Variants in RBMS3 observed in about 807,000 individuals in gnomAD.
The protein encoded by RBMS3 is RNA-binding motif, single-stranded-interacting protein 3.
Under a neutral mutation model 66.8 loss-of-function variants are expected in RBMS3, and 27 were observed. That is an observed-to-expected ratio of 0.40 (90% CI 0.30 to 0.56). The LOEUF (loss-of-function observed/expected upper bound fraction) is 0.56, where lower values mean the gene tolerates loss of function less well. Ranked by LOEUF, RBMS3 falls within the 20% of genes least tolerant of loss-of-function variation. RBMS3 has a pLI of 0.40. For synonymous variants in RBMS3, 188 were observed against 183.0 expected, an observed-to-expected ratio of 1.03 and a Z score of -0.22; for missense variants, 513 against 549.5, an observed-to-expected ratio of 0.93 and a Z score of 0.66.
intron 1 of RBMS3, among the ~76,000 whole-genome samples, chr3:29,362,658 T>G (rs1471483322): frequency 6.6e-6 from 1 of 152,210 alleles, no homozygotes; most frequent in Non-Finnish European, 1.5e-5. Flanking sequence ...TTCTACCATC[T>G]TGGATGGAGT....
At chr3:29,818,277 C>A (rs1371375071) in intron 6 of RBMS3, among the ~76,000 whole-genome samples, 1 of 151,602 alleles carries the variant, frequency 6.6e-6, no homozygotes, top group Non-Finnish European at 1.5e-5. Context: ...ATTGTTTTTT[C>A]TCCTTTCATT....
intron 6 of RBMS3, among the ~76,000 whole-genome samples, chr3:29,784,643 G>A (rs1366147993): frequency 1.3e-5 from 2 of 151,880 alleles, no homozygotes; most frequent in South Asian, 2.1e-4. Flanking sequence ...AAACAATAAC[G>A]ATTCAAACCC....
At chr3:29,774,964 T>A (rs951840573) in intron 6 of RBMS3, among the ~76,000 whole-genome samples, 1 of 151,936 alleles carries the variant, frequency 6.6e-6, no homozygotes, top group Non-Finnish European at 1.5e-5. Flanking sequence ...ATATAACGTG[T>A]CTAAACAAGT....
At chr3:29,488,373 A>C (rs2043400986) in intron 2 of RBMS3, 68 bp from the exon 3 acceptor site, 1 of 1,364,942 alleles carries the variant, frequency 7.3e-7, no homozygotes, top group African/African-American at 1.4e-5. Context: ...CCCGATGTTC[A>C]TTAGAGTGTT....
At chr3:29,829,844 G>A (rs141935183) in intron 6 of RBMS3, among the ~76,000 whole-genome samples, 1,780 of 152,148 alleles carry the variant, frequency 0.012, 28 homozygotes, top group African/African-American at 0.04. Flanking sequence ...CTGCTAAGAG[G>A]AATTATCTAT....
intron 4 of RBMS3, among the ~76,000 whole-genome samples, chr3:29,722,812 G>A (rs35951078): frequency 0.31 from 47,149 of 151,704 alleles, 7,736 homozygotes; most frequent in South Asian, 0.42. Context: ...GTATCATATC[G>A]AGAGGCACAA....
At chr3:29,691,947 C>CTCTCTCTCTTTT (rs1218393454) in intron 4 of RBMS3, among the ~76,000 whole-genome samples, 1 of 53,546 alleles carries the variant, frequency 1.9e-5, no homozygotes, top group Admixed American at 1.9e-4. Context: ...CTCTCTCTCT[C>CTCTCTCTCTTTT]TATTTTTTTT....
intron 1 of RBMS3, among the ~76,000 whole-genome samples, chr3:29,315,031 A>G (rs941126268): frequency 6.6e-6 from 1 of 151,808 alleles, no homozygotes; most frequent in Non-Finnish European, 1.5e-5. Context: ...TTTTATGCCT[A>G]GGAGCATGGC....
chr3:29,613,190 G>A (rs1022118481), intron 4 of RBMS3, among the ~76,000 whole-genome samples: 4 of 151,982 alleles, frequency 2.6e-5, no homozygotes, highest in Admixed American at 2.6e-4. Context: ...CATTTCCTTT[G>A]GATATATACC....
chr3:29,667,886 A>G (rs74890467), intron 4 of RBMS3, among the ~76,000 whole-genome samples: 5,011 of 152,244 alleles, frequency 0.033, 268 homozygotes, highest in African/African-American at 0.11. Context: ...ACACAAAACA[A>G]AATAATTCTT....
At chr3:29,816,914 A>AC (rs1211075361) in intron 6 of RBMS3, among the ~76,000 whole-genome samples, 8 of 151,988 alleles carry the variant, frequency 5.3e-5, no homozygotes, top group African/African-American at 1.9e-4. Flanking sequence ...ACATGGTGAT[A>AC]CCCCGTCTCT....
At chr3:29,509,473 A>G (rs1030390809) in intron 3 of RBMS3, among the ~76,000 whole-genome samples, 7 of 152,260 alleles carry the variant, frequency 4.6e-5, no homozygotes, top group Admixed American at 6.5e-5. Context: ...TGAAAGAGAC[A>G]AGGAACTTGC....
chr3:29,450,435 C>T (rs763726188), intron 2 of RBMS3, among the ~76,000 whole-genome samples: 5 of 152,108 alleles, frequency 3.3e-5, no homozygotes, highest in Non-Finnish European at 7.3e-5. Context: ...TCTTAAGATC[C>T]CTCCTTTATG....
intron 4 of RBMS3, among the ~76,000 whole-genome samples, chr3:29,681,140 A>G (rs1279146019): frequency 2.6e-5 from 4 of 152,332 alleles, no homozygotes; most frequent in South Asian, 2.1e-4. Context: ...TGAAAATTAC[A>G]TTCTGCTCAG....
intron 6 of RBMS3, among the ~76,000 whole-genome samples, chr3:29,820,639 G>T (rs1292732414): frequency 1.3e-5 from 2 of 152,072 alleles, no homozygotes; most frequent in African/African-American, 2.4e-5. Flanking sequence ...ATTAGGTTTT[G>T]CTTTGCAAGA....
chr3:29,297,784 G>T (rs2033383236), intron 1 of RBMS3, among the ~76,000 whole-genome samples: 1 of 151,946 alleles, frequency 6.6e-6, no homozygotes, highest in African/African-American at 2.4e-5. Context: ...GGGAGAAAAG[G>T]TGTCATTTTC....
chr3:29,694,081 A>G (rs1030124328), intron 4 of RBMS3, among the ~76,000 whole-genome samples: 1 of 152,002 alleles, frequency 6.6e-6, no homozygotes. Flanking sequence ...GATCCTTGGT[A>G]TTTGAAACAT....
chr3:29,390,429 C>A (rs914370290), intron 1 of RBMS3, among the ~76,000 whole-genome samples: 1 of 152,200 alleles, frequency 6.6e-6, no homozygotes, highest in East Asian at 1.9e-4. Flanking sequence ...ACTATCAATG[C>A]ATTTCATTAA....
intron 4 of RBMS3, among the ~76,000 whole-genome samples, chr3:29,701,086 G>C (rs1356806206): frequency 6.6e-6 from 1 of 152,048 alleles, no homozygotes; most frequent in Non-Finnish European, 1.5e-5. Context: ...AGACCAGCCT[G>C]GCCAACATGG....
Sources: allele counts gnomAD v4.1 joint callset (sites outside exome capture counted in the v4.1 genomes callset), GRCh38; gene constraint gnomAD v4.1.1; transcripts MANE v1.5; gene names NCBI Gene and HGNC (gene_info 2026-07-23, HGNC 2026-07-21).